Variants in CEP43 observed in about 807,000 individuals in gnomAD.
CEP43 encodes FGFR1 oncogene partner.
A neutral mutation model predicts 52.6 loss-of-function variants in CEP43; 36 were observed. The ratio of observed to expected loss-of-function variants is 0.68; its 90% CI spans 0.52 to 0.90. CEP43 has a LOEUF of 0.90. Among genes scored for constraint, CEP43 ranks in the 40% least tolerant of loss-of-function variants. The pLI is 0.00. For synonymous variants in CEP43, 192 were observed against 172.4 expected, an observed-to-expected ratio of 1.11 and a Z score of -0.89; for missense variants, 506 against 472.8, an observed-to-expected ratio of 1.07 and a Z score of -0.65.
Position 167,041,896 on chromosome 6 carries a change from T to C in CEP43, c.*1918T>C, listed in dbSNP as rs1780705873. The C allele has an allele frequency of 1.4e-6, 1 of 720,450 alleles. No individual in the cohort carries two copies. Among genetic ancestry groups the C allele is most frequent in the Non-Finnish European group, 1.7e-6 (1 of 580,892 alleles). The allele number at this position is 720,450 out of a possible 1,614,324, so 44.6% of individuals were successfully genotyped here. A position where few individuals can be genotyped will look rare whatever the true frequency, so the allele number is the denominator to read the frequency against. Reference sequence around the variant, plus strand: ...TGGAGTACAGTGATGCGATCTCGGCTCACTGCAACCTCCGCCTCCTGGGTT... The same window carrying C: ...TGGAGTACAGTGATGCGATCTCGGCCCACTGCAACCTCCGCCTCCTGGGTT... On this transcript the variant is annotated 3_prime_UTR_variant, in exon 13 of 13. Transcript: ENST00000366847.
Position 167,024,839 on chromosome 6 carries a change from C to T in CEP43, c.864C>T (p.Pro288=), listed in dbSNP as rs1297450811. The T allele has an allele frequency of 1.2e-6, 2 of 1,613,920 alleles. No individual in the cohort carries two copies. Among genetic ancestry groups the T allele is most frequent in the Admixed American group, 1.7e-5 (1 of 59,988 alleles). Residue 288 remains proline (P), a synonymous_variant, in exon 9 of 13, where the codon CCC becomes CCT. Coordinates refer to ENST00000366847, the MANE Select transcript of CEP43 (RefSeq NM_007045.4). ...TGGCCTCGCTCTCGGATGCACCCCC[C>T]TTAAAAAGTGGACTCAGCTCCCTGG... ...GSLASLSDAP[P]LKSGLSSLAG...
intron 5 of CEP43, among the ~76,000 whole-genome samples, chr6:167,007,086 G>T (rs1161985179): frequency 2.6e-5 from 4 of 152,100 alleles, no homozygotes; most frequent in Admixed American, 6.5e-5. Flanking sequence ...CTTCACATGT[G>T]CTCTGGATTC....
intron 7 of CEP43, among the ~76,000 whole-genome samples, chr6:167,019,770 A>G (rs907192240): frequency 2.0e-5 from 3 of 152,218 alleles, no homozygotes; most frequent in African/African-American, 7.2e-5. Flanking sequence ...TCAAATAATC[A>G]TGGATACCTA....
intron 7 of CEP43, among the ~76,000 whole-genome samples, chr6:167,015,348 T>C (rs185745902): frequency 2.6e-5 from 4 of 152,368 alleles, no homozygotes; most frequent in Non-Finnish European, 5.9e-5. Context: ...GCCTTACTTA[T>C]ATGGGTAAGC....
chr6:166,999,587 G>A, intron 1 of CEP43, 73 bp downstream of exon 1: 1 of 1,126,580 alleles, frequency 8.9e-7, no homozygotes, highest in Non-Finnish European at 1.2e-6. Context: ...CACAACGGTC[G>A]CGGCGAGGAG....
In CEP43 at chr6:167,036,518, C is replaced by A. The variant is rs143420178; in HGVS notation, c.1125+2547C>A. 31 of 985,410 alleles carry A rather than the reference C, an allele frequency of 3.1e-5. No homozygotes were observed. The African/African-American group carries it at 5.4e-4, about 17-fold the overall frequency. 61.0% of individuals were successfully genotyped at this position (985,410 alleles called of 1,614,324 possible). On this transcript the variant is annotated intron_variant, in intron 12 of 12. Transcript: ENST00000366847. ...GGCCACACGTTCCTAAGGGACAGAA[C>A]ATAAGTGTGCATCCCAGGTTTCTGT...
At chr6:167,004,240 C>T in intron 4 of CEP43, 24 bp from the exon 5 acceptor site, 2 of 1,580,676 alleles carry the variant, frequency 1.3e-6, no homozygotes, top group Non-Finnish European at 1.7e-6. Context: ...TTTTTGTGCA[C>T]TTGTATTTTA....
At position 167,044,695 on chromosome 6, in the gene CEP43, G is replaced by C. The variant is rs147795917; in HGVS notation, c.*4717G>C. The C allele has an allele frequency of 1.8e-4, 63 of 341,456 alleles. No individual in the cohort carries two copies. Among genetic ancestry groups the C allele is most frequent in the African/African-American group, 1.3e-3 (60 of 45,104 alleles). The allele number at this position is 341,456 out of a possible 1,614,324, so 21.2% of individuals were successfully genotyped here. A position where few individuals can be genotyped will look rare whatever the true frequency, so the allele number is the denominator to read the frequency against. On this transcript the variant is annotated 3_prime_UTR_variant, in exon 13 of 13. Transcript: ENST00000366847. Reference sequence around the variant, plus strand: ...CAAGGTAAGGTCGAGCTGGCCCCTCGTGTCATCCGACTTTGCGTTGTGGCC... The same window carrying C: ...CAAGGTAAGGTCGAGCTGGCCCCTCCTGTCATCCGACTTTGCGTTGTGGCC...
At chr6:167,027,806 C>T (rs1372422207) in intron 10 of CEP43, 2 of 877,368 alleles carry the variant, frequency 2.3e-6, no homozygotes, top group Non-Finnish European at 2.7e-6. Flanking sequence ...CAGTGGCTGG[C>T]ATGGTAGGTG....
At position 167,003,760 on chromosome 6, in the gene CEP43, GT is replaced by G; in HGVS notation, c.255del (p.Phe85LeufsTer26). ...CTAGTCTTGTTGCAGAATTTCTTCA[GT>G]TTTTTAACCTTGACTTTACTTTGGC... ...VASLVAEFLQ[F>X]FNLDFTLAVF... On this transcript the variant is annotated frameshift_variant, in exon 4 of 13. Coordinates refer to ENST00000366847, the MANE Select transcript of CEP43 (RefSeq NM_007045.4). LOFTEE classifies it high-confidence loss of function. 6.2e-7 allele frequency: 1 copy of G among 1,612,232 alleles called. No homozygotes were observed. Among genetic ancestry groups the G allele is most frequent in the Non-Finnish European group, 8.5e-7 (1 of 1,178,932 alleles).
chr6:167,003,490 C>T, intron 3 of CEP43: 1 of 514,988 alleles, frequency 1.9e-6, no homozygotes. Context: ...AAGCGAAACA[C>T]TGAAATCTAT....
intron 5 of CEP43, among the ~76,000 whole-genome samples, chr6:167,006,916 T>TA (rs1266634194): frequency 6.6e-6 from 1 of 152,218 alleles, no homozygotes; most frequent in Non-Finnish European, 1.5e-5. Context: ...TGGAAAAACT[T>TA]ACTTTCTTCT....
intron 11 of CEP43, among the ~76,000 whole-genome samples, chr6:167,032,973 C>A (rs528592184): frequency 6.6e-6 from 1 of 152,146 alleles, no homozygotes; most frequent in South Asian, 2.1e-4. Flanking sequence ...TCCTTCCATA[C>A]CTTTTTGTGG....
chr6:167,040,229 A>G lies in CEP43; in HGVS notation c.*251A>G, dbSNP rs184647714. ...TTCTTTATGGAAATTGATTATCTAC[A>G]CTCAGTTTCATTACAGGGAAGGAAC... On this transcript the variant is annotated 3_prime_UTR_variant, in exon 13 of 13. Coordinates refer to ENST00000366847, the MANE Select transcript of CEP43 (RefSeq NM_007045.4). 2.7e-4 allele frequency: 403 copies of G among 1,520,684 alleles called. No individual in the cohort carries two copies. The highest frequency in any genetic ancestry group is 3.4e-4 in the Non-Finnish European group (390 of 1,142,154). 94.2% of individuals were successfully genotyped at this position (1,520,684 alleles called of 1,614,324 possible).
At chr6:167,033,358 C>G (rs773782763) in intron 11 of CEP43, among the ~76,000 whole-genome samples, 6 of 152,084 alleles carry the variant, frequency 3.9e-5, no homozygotes, top group Non-Finnish European at 8.8e-5. Flanking sequence ...ATCCACCCAC[C>G]TGGGCCTCCC....
At chr6:167,038,990 C>T (rs146776258) in intron 12 of CEP43, among the ~76,000 whole-genome samples, 162 of 152,244 alleles carry the variant, frequency 1.1e-3, no homozygotes, top group African/African-American at 3.8e-3. Flanking sequence ...TCCATTGTAT[C>T]ATTCTTATGC....
At chr6:167,001,603 A>G (rs6935539) in intron 2 of CEP43, among the ~76,000 whole-genome samples, 4,019 of 152,242 alleles carry the variant, frequency 0.026, 182 homozygotes, top group African/African-American at 0.093. Flanking sequence ...TCAGACCTGT[A>G]TGTTAAACTG....
At chr6:166,999,689 CTCGT>C (rs1779681708) in intron 1 of CEP43, 175 bp downstream of exon 1, 1 of 482,540 alleles carries the variant, frequency 2.1e-6, no homozygotes. Context: ...AGGGGGTCGG[CTCGT>C]TCGTTCGTGT....
At position 167,050,762 on chromosome 6, in the gene CEP43, CAG is replaced by C. The variant is rs1780859716; in HGVS notation, c.*10787_*10788del. The C allele has an allele frequency of 8.9e-6, 1 of 112,538 alleles. No homozygotes were observed. The highest frequency in any genetic ancestry group is 3.6e-5 in the African/African-American group (1 of 27,890). The allele number at this position is 112,538 out of a possible 1,614,324, so 7.0% of individuals were successfully genotyped here. A position where few individuals can be genotyped will look rare whatever the true frequency, so the allele number is the denominator to read the frequency against. On this transcript the variant is annotated 3_prime_UTR_variant, in exon 13 of 13. Transcript: ENST00000366847. Reference sequence around the variant, plus strand: ...TGCCACTGCGCTCCAGTCTGGGTGACAGAGTGAGACTCAAAAAAGAAAAAAAA... The same window carrying C: ...TGCCACTGCGCTCCAGTCTGGGTGACAGTGAGACTCAAAAAAGAAAAAAAA...
Sources: allele counts gnomAD v4.1 joint callset (sites outside exome capture counted in the v4.1 genomes callset), GRCh38; gene constraint gnomAD v4.1.1; transcripts MANE v1.5; gene names NCBI Gene and HGNC (gene_info 2026-07-23, HGNC 2026-07-21).